The following TIMD4 variants were observed in gnomAD, a reference collection of about 807,000 sequenced individuals.
TIMD4 encodes T-cell immunoglobulin and mucin domain-containing protein 4.
A neutral mutation model predicts 41.2 loss-of-function variants in TIMD4; 31 were observed. The ratio of observed to expected loss-of-function variants is 0.75; its 90% CI spans 0.57 to 1.01. The LOEUF (loss-of-function observed/expected upper bound fraction) is 1.01. Ranked by LOEUF, TIMD4 falls within the 50% of genes least tolerant of loss-of-function variation. The pLI is 0.00. For missense variants in TIMD4, 479 were observed against 472.5 expected (o/e 1.01, Z -0.13); for synonymous variants, 204 against 177.1 (o/e 1.15, Z -1.21).
At position 156,951,671 on chromosome 5, in the gene TIMD4, T is replaced by C. The variant is rs1759859651; in HGVS notation, c.520A>G (p.Thr174Ala). 1 of 1,614,014 alleles carries C rather than the reference T, an allele frequency of 6.2e-7. No individual in the cohort carries two copies. Among genetic ancestry groups the C allele is most frequent in the East Asian group, 2.2e-5 (1 of 44,864 alleles). Residue 174 changes from threonine to alanine, a missense_variant, in exon 3 of 9, where the codon ACA (threonine) becomes GCA (alanine). Physicochemically the swap from Thr to Ala is moderately conservative, Grantham distance 58 (BLOSUM62 0). Coordinates refer to ENST00000274532, the MANE Select transcript of TIMD4 (RefSeq NM_138379.3). The stretch of plus-strand genomic sequence containing the variant: ...GGTGTTCCGGTTGTGAGATCGGGTG[T>C]GGTCACGACTGTTGTTGGAAGTGCA... ...PAALPTTVVT[T>A]PDLTTGTPLQ... is the part of the protein sequence containing the mutation.
rs757799060 is a variant in TIMD4, at chr5:156,946,653, AT to A, written c.844+1762del. On this transcript the variant is annotated intron_variant, in intron 5 of 8. Transcript: ENST00000274532. Reference sequence around the variant, plus strand: ...CACCACGTCCACCTAATTTTTTTGTATTTTTTTTTTTTTAGTAGAGACGGGG... The same window carrying A: ...CACCACGTCCACCTAATTTTTTTGTATTTTTTTTTTTTAGTAGAGACGGGG... 3.3e-3 allele frequency among the ~76,000 whole-genome samples: 454 copies of A among 139,448 alleles called. 1 individual carries two copies. The highest frequency in any genetic ancestry group is 0.011 in the Middle Eastern group (3 of 270). 91.5% of individuals were successfully genotyped at this position (139,448 alleles called of 152,430 possible).
rs1251524597 is a variant in TIMD4, at chr5:156,952,032, G to A, written c.401-242C>T. 2.6e-5 allele frequency among the ~76,000 whole-genome samples: 4 copies of A among 152,080 alleles called. No homozygotes were observed. The East Asian group carries it at 7.7e-4, about 29-fold the overall frequency. Reference sequence around the variant, plus strand: ...TGGCCAGGTGCAGTGGTTCACACCTGTAATCCCAGCACTTTGGGAGGCCGA... The same window carrying A: ...TGGCCAGGTGCAGTGGTTCACACCTATAATCCCAGCACTTTGGGAGGCCGA... On this transcript the variant is annotated intron_variant, in intron 2 of 8. Transcript: ENST00000274532.
At chr5:156,946,675 C>T (rs1168363635) in intron 5 of TIMD4, among the ~76,000 whole-genome samples, 2 of 150,536 alleles carry the variant, frequency 1.3e-5, no homozygotes, top group African/African-American at 2.4e-5. Context: ...TTAGTAGAGA[C>T]GGGGTTTCAC....
chr5:156,951,665 C>A lies in TIMD4; in HGVS notation c.526G>T (p.Asp176Tyr), dbSNP rs140867089. ...ALPTTVVTTP[D>Y]LTTGTPLQMT... Reference sequence around the variant, plus strand: ...TGGAGTGGTGTTCCGGTTGTGAGATCGGGTGTGGTCACGACTGTTGTTGGA... The same window carrying A: ...TGGAGTGGTGTTCCGGTTGTGAGATAGGGTGTGGTCACGACTGTTGTTGGA... Residue 176 changes from aspartate (D) to tyrosine (Y), a missense_variant, in exon 3 of 9, where the codon GAT becomes TAT. Asp to Tyr is a radical substitution (Grantham distance 160). Coordinates refer to ENST00000274532, the MANE Select transcript of TIMD4 (RefSeq NM_138379.3). 1.2e-6 allele frequency: 2 copies of A among 1,613,842 alleles called. No individual in the cohort carries two copies. Among genetic ancestry groups the A allele is most frequent in the South Asian group, 1.1e-5 (1 of 91,042 alleles).
At chr5:156,955,253 TA>T (rs1346778759) in intron 1 of TIMD4, among the ~76,000 whole-genome samples, 1 of 152,220 alleles carries the variant, frequency 6.6e-6, no homozygotes, top group Non-Finnish European at 1.5e-5. Context: ...TTCCATTCGC[TA>T]ACCAATAAAC....
intron 1 of TIMD4, among the ~76,000 whole-genome samples, chr5:156,956,001 G>C (rs7734895): frequency 6.6e-6 from 1 of 152,094 alleles, no homozygotes; most frequent in Non-Finnish European, 1.5e-5. Flanking sequence ...AAATCTATTA[G>C]CAATTTTGAA....
chr5:156,935,097 AAAATCC>A (rs1759515541), intron 5 of TIMD4, among the ~76,000 whole-genome samples: 2 of 152,218 alleles, frequency 1.3e-5, no homozygotes, highest in Admixed American at 1.3e-4. Context: ...ATGGTCTTAA[AAAATCC>A]AAAAGAGCAA....
chr5:156,961,891 T>TA (rs1450648437), intron 1 of TIMD4, among the ~76,000 whole-genome samples: 2 of 82,948 alleles, frequency 2.4e-5, no homozygotes, highest in Non-Finnish European at 5.3e-5. Flanking sequence ...TATTCAGCCA[T>TA]AAAAAAAGAA....
At position 156,919,368 on chromosome 5, in the gene TIMD4, CTT is replaced by C; in HGVS notation, c.*87_*88del. The C allele has an allele frequency of 4.0e-6, 5 of 1,262,170 alleles. No homozygotes were observed. The highest frequency in any genetic ancestry group is 1.9e-4 in the Middle Eastern group (1 of 5,304). The allele number at this position is 1,262,170 out of a possible 1,614,324, so 78.2% of individuals were successfully genotyped here. On this transcript the variant is annotated 3_prime_UTR_variant, in exon 9 of 9. Transcript: ENST00000274532. ...AATGACATCCATGGAATAAGTGAGT[CTT>C]TTTTATGAAACAAGGAAATCTACTA...
chr5:156,922,144 A>T lies in TIMD4; in HGVS notation c.967T>A (p.Leu323Met). Residue 323 changes from leucine to methionine, a missense_variant, in exon 7 of 9, where the codon TTG becomes ATG. Physicochemically the swap from Leu to Met is conservative, Grantham distance 15. Transcript: ENST00000274532. The part of the protein sequence containing the change: ...SQLLMIIAPS[L>M]GFVLFALFVA... The stretch of plus-strand genomic sequence containing the variant: ...AACAATGCGAAGAGCACAAATCCCA[A>T]GGAGGGGGCGATGATCATCAGTAGT... The T allele has an allele frequency of 1.9e-6, 3 of 1,614,002 alleles. No individual in the cohort carries two copies. Among genetic ancestry groups the T allele is most frequent in the South Asian group, 1.1e-5 (1 of 91,064 alleles).
chr5:156,954,764 GA>G lies in TIMD4; in HGVS notation c.59-9del. On this transcript the variant is annotated splice_polypyrimidine_tract_variant and intron_variant, in intron 1 of 8. Transcript: ENST00000274532. ...TCTCTGAAGTGACTGGTGCTGCAAGGAAAAATGCGAAATTTAGGTCATGCAG... is the reference window on the plus strand; with the variant it reads ...TCTCTGAAGTGACTGGTGCTGCAAGGAAAATGCGAAATTTAGGTCATGCAG... The G allele has an allele frequency of 6.3e-7, 1 of 1,587,720 alleles. No individual in the cohort carries two copies. The highest frequency in any genetic ancestry group is 1.2e-5 in the South Asian group (1 of 86,618).
At chr5:156,919,616 T>TA in intron 8 of TIMD4, 75 bp from the exon 9 acceptor site, 2 of 1,199,348 alleles carry the variant, frequency 1.7e-6, no homozygotes, top group Non-Finnish European at 2.5e-6. Context: ...GCTGCTAAGT[T>TA]ACAGTGCAAT....
At chr5:156,953,904 T>A (rs1759912703) in intron 2 of TIMD4, among the ~76,000 whole-genome samples, 2 of 152,126 alleles carry the variant, frequency 1.3e-5, no homozygotes, top group Admixed American at 1.3e-4. Flanking sequence ...CCAGATTTCA[T>A]CAAAAGCAAC....
intron 5 of TIMD4, among the ~76,000 whole-genome samples, chr5:156,936,786 G>T (rs1334568420): frequency 2.6e-5 from 4 of 151,692 alleles, no homozygotes; most frequent in Admixed American, 6.6e-5. Flanking sequence ...AAAAAAATTA[G>T]CCAGGCATGA....
intron 1 of TIMD4, among the ~76,000 whole-genome samples, chr5:156,961,418 T>C (rs1422449771): frequency 6.6e-6 from 1 of 152,180 alleles, no homozygotes; most frequent in African/African-American, 2.4e-5. Flanking sequence ...TAAAGAGATA[T>C]TTACTCTCCC....
At chr5:156,942,514 A>T (rs1759667759) in intron 5 of TIMD4, among the ~76,000 whole-genome samples, 1 of 152,212 alleles carries the variant, frequency 6.6e-6, no homozygotes. Context: ...TGAAATGCGG[A>T]TGTGAGTCCC....
At chr5:156,934,558 C>T (rs984899099) in intron 5 of TIMD4, among the ~76,000 whole-genome samples, 1 of 152,100 alleles carries the variant, frequency 6.6e-6, no homozygotes, top group African/African-American at 2.4e-5. Context: ...TCCCAAAGTG[C>T]TGAGATTACA....
Position 156,948,498 on chromosome 5 carries a change from C to A in TIMD4, c.762G>T (p.Glu254Asp). 6.5e-7 allele frequency: 1 copy of A among 1,543,692 alleles called. No homozygotes were observed. The highest frequency in any genetic ancestry group is 8.7e-7 in the Non-Finnish European group (1 of 1,147,260). The change falls in exon 5 of 9, where the codon GAG becomes GAT. Residue 254 changes from glutamate to aspartate, a missense_variant and splice_region_variant. By Grantham distance (45) the Glu-to-Asp change is conservative. Transcript: ENST00000274532. ...TTGATGGGAGATCCCAAACTTTGGA[C>A]TCTTTGGAAAAACAAAGGAAAACAG... ...SADTVLLTSK[E>D]SKVWDLPSTS...
rs200459641 is a variant in TIMD4 at position 156,960,277 on chromosome 5, T to TA, written c.58+2863dup. Among the ~76,000 whole-genome samples the TA allele has an allele frequency of 2.9e-4, 44 of 150,724 alleles. No homozygotes were observed. The East Asian group carries it at 3.5e-3, about 12-fold the overall frequency. On this transcript the variant is annotated intron_variant, in intron 1 of 8. Transcript: ENST00000274532. ...AGTTTCCAGGATAAGACAAAGACAG[T>TA]AAAAAAAAATTGATGAAAAGGCAGA...
Sources: allele counts gnomAD v4.1 joint callset (sites outside exome capture counted in the v4.1 genomes callset), GRCh38; gene constraint gnomAD v4.1.1; transcripts MANE v1.5; gene names NCBI Gene and HGNC (gene_info 2026-07-23, HGNC 2026-07-21).